The following ACLY variants were observed in gnomAD, a reference collection of about 807,000 sequenced individuals.
The protein encoded by ACLY is ATP citrate lyase.
ACLY carries 41 observed loss-of-function variants against 133.0 expected under a neutral mutation model. The ratio of observed to expected loss-of-function variants is 0.31; its 90% CI spans 0.24 to 0.40. The LOEUF (loss-of-function observed/expected upper bound fraction) is 0.40, where lower values mean the gene tolerates loss of function less well. Ranked by LOEUF, ACLY falls within the 10% of genes least tolerant of loss-of-function variation. ACLY has a pLI of 1.00. For synonymous variants in ACLY, 495 were observed against 549.3 expected (o/e 0.90, Z 1.38); for missense variants, 1,046 against 1,453.8 (o/e 0.72, Z 4.56).
intron 16 of ACLY, among the ~76,000 whole-genome samples, chr17:41,891,343 T>C (rs554058205): frequency 2.6e-5 from 4 of 152,158 alleles, no homozygotes; most frequent in Admixed American, 2.0e-4. Flanking sequence ...CAGTTATGCA[T>C]AGCACAGAGA....
In ACLY at chr17:41,907,529, C is replaced by T; in HGVS notation, c.660G>A (p.Lys220=). The change falls in exon 7 of 29, where the codon AAG becomes AAA. Residue 220 remains lysine (K), a synonymous_variant. Transcript: ENST00000352035. Reference sequence around the variant, plus strand: ...AGATGTAGTCGGCAGTGGCGTCCACCTTGGCCGCCAAGTCAAGGACATAGA... The same window carrying T: ...AGATGTAGTCGGCAGTGGCGTCCACTTTGGCCGCCAAGTCAAGGACATAGA... ...DGVYVLDLAA[K]VDATADYICK... The T allele has an allele frequency of 6.2e-7, 1 of 1,614,076 alleles. No individual in the cohort carries two copies. Among genetic ancestry groups the T allele is most frequent in the Non-Finnish European group, 8.5e-7 (1 of 1,179,990 alleles).
In ACLY at chr17:41,898,643, G is replaced by A. The variant is rs375316443; in HGVS notation, c.1326C>T (p.Ser442=). Residue 442 remains serine, a synonymous_variant, in exon 12 of 29, where the codon AGC becomes AGT. Coordinates refer to ENST00000352035, the MANE Select transcript of ACLY (RefSeq NM_001096.3). The part of the protein sequence containing the change: ...AHTANFLLNA[S]GSTSTPAPSR... ...GGCTGGAACCTACCGATGTGCTCCC[G>A]CTGGCGTTGAGGAGGAAGTTTGCAG... 9.3e-6 allele frequency: 15 copies of A among 1,613,452 alleles called. No homozygotes were observed. The highest frequency in any genetic ancestry group is 2.7e-5 in the African/African-American group (2 of 74,922).
In ACLY at chr17:41,907,472, A is replaced by C; in HGVS notation, c.717T>G (p.Pro239=). The C allele has an allele frequency of 6.2e-7, 1 of 1,600,738 alleles. No homozygotes were observed. Among genetic ancestry groups the C allele is most frequent in the Non-Finnish European group, 8.5e-7 (1 of 1,174,176 alleles). The change falls in exon 7 of 29, where the codon CCT becomes CCG. Residue 239 remains proline, a synonymous_variant. Transcript: ENST00000352035. ...CKVKWGDIEF[P]PPFGREAYPE... ...GATATGCCTCCCGCCCGAAGGGGGG[A>C]GGGAACTCGATGTCACCCCACTTCA...
Position 41,918,874 on chromosome 17 carries a change from G to A in ACLY, c.-24+6C>T, listed in dbSNP as rs562540367. 7.8e-6 allele frequency: 10 copies of A among 1,288,306 alleles called. No individual in the cohort carries two copies. Among genetic ancestry groups the A allele is most frequent in the South Asian group, 7.4e-5 (6 of 80,686 alleles). 79.8% of individuals were successfully genotyped at this position (1,288,306 alleles called of 1,614,324 possible). A position where few individuals can be genotyped will look rare whatever the true frequency, so the allele number is the denominator to read the frequency against. ...CCAGCCAGCGAAAACAGCCTCCCGT[G>A]CTCACCTCTGCCGAAGTCCGTGCGC... is the stretch of plus-strand genomic sequence containing the variant. On this transcript the variant is annotated splice_donor_region_variant and intron_variant, in intron 1 of 28. Coordinates refer to ENST00000352035, the MANE Select transcript of ACLY (RefSeq NM_001096.3).
upstream of ACLY, among the ~76,000 whole-genome samples, chr17:41,922,872 G>A (rs1555635604): frequency 6.6e-6 from 1 of 152,210 alleles, no homozygotes; most frequent in Non-Finnish European, 1.5e-5. Flanking sequence ...CAGCCACTGA[G>A]GTTTTCCAGT....
intron 20 of ACLY, among the ~76,000 whole-genome samples, chr17:41,882,367 CAAAAAAAAAAAA>C (rs34078258): frequency 0.011 from 431 of 40,282 alleles, 15 homozygotes; most frequent in African/African-American, 0.039. Context: ...ACCCTGTCTC[CAAAAAAAAAAAA>C]AAAAAAAAAA....
Position 41,884,258 on chromosome 17 carries a change from A to T in ACLY, c.2089T>A (p.Phe697Ile), listed in dbSNP as rs782283393. 6.2e-7 allele frequency: 1 copy of T among 1,611,624 alleles called. No individual in the cohort carries two copies. Among genetic ancestry groups the T allele is most frequent in the South Asian group, 1.1e-5 (1 of 91,014 alleles). Residue 697 changes from phenylalanine to isoleucine, a missense_variant, in exon 19 of 29, where the codon TTC becomes ATC. Phe to Ile is a conservative substitution (Grantham distance 21). Transcript: ENST00000352035. ...TGATAGCGTAACACATGATCCATGA[A>T]TGTGGAGCCCGGGTACCTGTTGAGA... is the stretch of plus-strand genomic sequence containing the variant. ...IGGDRYPGST[F>I]MDHVLRYQDT...
At chr17:41,890,456 G>A (rs1240078398) in intron 16 of ACLY, among the ~76,000 whole-genome samples, 6 of 151,290 alleles carry the variant, frequency 4.0e-5, no homozygotes, top group Non-Finnish European at 7.4e-5. Flanking sequence ...AGGCCGAGGC[G>A]GGCGGATCAC....
rs782788584 is a variant in ACLY, at chr17:41,887,651, T to C, written c.1823A>G (p.Lys608Arg). ...AEGIPEALTRKLIKKADQKGV... is the reference protein window; with the variant it reads ...AEGIPEALTRRLIKKADQKGV... ...CTTCTGGTCCGCCTTCTTGATCAGC[T>C]TTCTCGTGAGGGCCTCAGGGATGCC... Residue 608 changes from lysine to arginine, a missense_variant, in exon 17 of 29, where the codon AAG (lysine) becomes AGG (arginine). By Grantham distance (26) the Lys-to-Arg change is conservative. Coordinates refer to ENST00000352035, the MANE Select transcript of ACLY (RefSeq NM_001096.3). 50 of 1,613,670 alleles carry C rather than the reference T, an allele frequency of 3.1e-5. No individual in the cohort carries two copies. In the South Asian group the frequency reaches 5.5e-4, roughly 18 times the overall value.
intron 2 of ACLY, among the ~76,000 whole-genome samples, chr17:41,912,994 G>T (rs1353659722): frequency 6.6e-6 from 1 of 152,172 alleles, no homozygotes; most frequent in Non-Finnish European, 1.5e-5. Flanking sequence ...GTCTACAACA[G>T]GCCCAATAAG....
intron 1 of ACLY, among the ~76,000 whole-genome samples, chr17:41,924,247 T>A (rs1555635766): frequency 6.6e-6 from 1 of 151,916 alleles, no homozygotes; most frequent in East Asian, 1.9e-4. Context: ...TGGGTTCAAG[T>A]GATTCTCCTG....
At chr17:41,896,599 G>A in intron 14 of ACLY, 21 bp downstream of exon 14, 1 of 1,544,348 alleles carries the variant, frequency 6.5e-7, no homozygotes, top group Non-Finnish European at 8.7e-7. Context: ...GCGGAGTGGG[G>A]GCAGGGTGGG....
At chr17:41,887,726 T>C in intron 16 of ACLY, 23 bp from the exon 17 acceptor site, 2 of 1,601,072 alleles carry the variant, frequency 1.2e-6, no homozygotes, top group Non-Finnish European at 1.7e-6. Context: ...AAAAGTCCCT[T>C]CCTGTTAACT....
chr17:41,887,155 AAG>A (rs2049073320), intron 17 of ACLY, among the ~76,000 whole-genome samples: 1 of 125,192 alleles, frequency 8.0e-6, no homozygotes, highest in African/African-American at 2.9e-5. Context: ...AAAAAAAAAA[AAG>A]GCCAAACACG....
At chr17:41,887,563 A>G (rs367763017) in intron 17 of ACLY, 36 bp downstream of exon 17, 182 of 1,569,274 alleles carry the variant, frequency 1.2e-4, no homozygotes, top group Middle Eastern at 3.3e-4. Context: ...ATAAGATAGC[A>G]TCGAACGTAA....
chr17:41,919,670 A>G (rs781807190), upstream of ACLY, among the ~76,000 whole-genome samples: 8 of 152,262 alleles, frequency 5.3e-5, no homozygotes, highest in Non-Finnish European at 1.0e-4. Context: ...GGGCGGAGCT[A>G]GGAATTCAAT....
intron 14 of ACLY, 30 bp downstream of exon 14, chr17:41,896,590 C>T (rs781821179): frequency 3.4e-5 from 52 of 1,531,864 alleles, no homozygotes; most frequent in Admixed American, 1.5e-4. Flanking sequence ...AAGCCACACG[C>T]GGAGTGGGGG....
chr17:41,866,937 T>C lies in ACLY; in HGVS notation c.*873A>G, dbSNP rs1189982692. 1.3e-5 allele frequency: 2 copies of C among 152,342 alleles called. No individual in the cohort carries two copies. The highest frequency in any genetic ancestry group is 4.8e-5 in the African/African-American group (2 of 41,450). 9.4% of individuals were successfully genotyped at this position (152,342 alleles called of 1,614,324 possible). A position where few individuals can be genotyped will look rare whatever the true frequency, so the allele number is the denominator to read the frequency against. On this transcript the variant is annotated 3_prime_UTR_variant, in exon 29 of 29. Transcript: ENST00000352035. ...GCAGTATGCCTTCATTGTTACTATA[T>C]AGTTTATTTAAACCAGACTATGATA...
chr17:41,876,231 C>T (rs1260747425), intron 22 of ACLY, among the ~76,000 whole-genome samples: 4 of 151,662 alleles, frequency 2.6e-5, no homozygotes, highest in South Asian at 2.1e-4. Flanking sequence ...CCACCCCGTC[C>T]GGGAGGGAGA....
Sources: allele counts gnomAD v4.1 joint callset (sites outside exome capture counted in the v4.1 genomes callset), GRCh38; gene constraint gnomAD v4.1.1; transcripts MANE v1.5; gene names NCBI Gene and HGNC (gene_info 2026-07-23, HGNC 2026-07-21).